PTPN3: variants seen among roughly 807,000 people sequenced by gnomAD.
PTPN3 encodes the protein tyrosine-protein phosphatase non-receptor type 3.
PTPN3 carries 96 observed loss-of-function variants against 132.7 expected under a neutral mutation model. That is an observed-to-expected ratio of 0.72 (90% CI 0.61 to 0.86). The LOEUF (loss-of-function observed/expected upper bound fraction) is 0.86. Ranked by LOEUF, PTPN3 falls within the 40% of genes least tolerant of loss-of-function variation. The probability of loss-of-function intolerance (pLI) is 0.00; values close to 1 mark genes in which losing one functional copy is unlikely to be tolerated. For synonymous variants in PTPN3, 398 were observed against 429.0 expected (o/e 0.93, Z 0.89); for missense variants, 1,125 against 1,159.6 (o/e 0.97, Z 0.43).
At chr9:109,459,636 A>C (rs1166676739) in intron 2 of PTPN3, among the ~76,000 whole-genome samples, 1 of 152,106 alleles carries the variant, frequency 6.6e-6, no homozygotes, top group Admixed American at 6.5e-5. Context: ...TGTAACCTCA[A>C]ACTCCTGGGC....
At chr9:109,527,379 T>G in the PTPN3 span, among the ~76,000 whole-genome samples, 1 of 152,178 alleles carries the variant, frequency 6.6e-6, no homozygotes, top group Non-Finnish European at 1.5e-5. Flanking sequence ...GAGAATTGCT[T>G]GAGCCAGGGG....
At chr9:109,503,050 A>G (rs1847879679), upstream of PTPN3, among the ~76,000 whole-genome samples, 1 of 152,168 alleles carries the variant, frequency 6.6e-6, no homozygotes, top group Admixed American at 6.5e-5. Context: ...AATCTTATGT[A>G]TGTTTCTTTC....
In PTPN3 at chr9:109,410,021, C is replaced by G; in HGVS notation, c.1556G>C (p.Gly519Ala). The G allele has an allele frequency of 6.2e-7, 1 of 1,614,188 alleles. No homozygotes were observed. Among genetic ancestry groups the G allele is most frequent in the Non-Finnish European group, 8.5e-7 (1 of 1,180,036 alleles). Residue 519 changes from glycine to alanine, a missense_variant, in exon 16 of 26, where the codon GGA (glycine) becomes GCA (alanine). Coordinates refer to ENST00000374541, the MANE Select transcript of PTPN3 (RefSeq NM_002829.4). ...TACCTTAAGATTAAATCCAAATTTTCCATCTTCATCTGGTGTGATACGGAT... is the reference window on the plus strand; with the variant it reads ...TACCTTAAGATTAAATCCAAATTTTGCATCTTCATCTGGTGTGATACGGAT... ...VLIRITPDED[G>A]KFGFNLKGGV...
rs1225005601 is a variant in PTPN3 at position 109,497,685 on chromosome 9, C to T, written c.-18+534G>A. 2.0e-5 allele frequency among the ~76,000 whole-genome samples: 3 copies of T among 152,236 alleles called. No homozygotes were observed. The East Asian group carries it at 5.8e-4, about 29-fold the overall frequency. On this transcript the variant is annotated intron_variant, in intron 1 of 25. Transcript: ENST00000374541. ...TACCTGATAAATCATTCCATATCGT[C>T]CGCGGAACGGGGAGGATTTATTGGC... is the stretch of plus-strand genomic sequence containing the variant.
At chr9:109,437,306 C>T (rs757057540) in intron 8 of PTPN3, among the ~76,000 whole-genome samples, 2 of 152,188 alleles carry the variant, frequency 1.3e-5, no homozygotes, top group Admixed American at 6.5e-5. Flanking sequence ...GGTCTCTCTG[C>T]CTTTATCTCT....
At chr9:109,488,652 T>G (rs144211792) in intron 1 of PTPN3, among the ~76,000 whole-genome samples, 1 of 152,322 alleles carries the variant, frequency 6.6e-6, no homozygotes, top group Admixed American at 6.5e-5. Flanking sequence ...TATAATAATT[T>G]GTAATCCAGG....
the PTPN3 span, among the ~76,000 whole-genome samples, chr9:109,517,702 TTTG>T: frequency 6.6e-6 from 1 of 152,208 alleles, no homozygotes; most frequent in South Asian, 2.1e-4. Context: ...GAAACCATAA[TTTG>T]GGGAAAGCCT....
intron 1 of PTPN3, among the ~76,000 whole-genome samples, chr9:109,474,474 A>C (rs1846539143): frequency 3.9e-5 from 6 of 152,100 alleles, no homozygotes; most frequent in Admixed American, 3.9e-4. Flanking sequence ...GTGCTGGAGG[A>C]ACACAAGGAG....
In PTPN3 at chr9:109,436,907, A is replaced by G; in HGVS notation, c.651T>C (p.Tyr217=). 1 of 1,614,128 alleles carries G rather than the reference A, an allele frequency of 6.2e-7. No homozygotes were observed. Among genetic ancestry groups the G allele is most frequent in the Middle Eastern group, 1.6e-4 (1 of 6,062 alleles). ...YINIARTLDF[Y]GVELHSGRDL... is the part of the protein sequence containing the mutation. ...CCCTACCACTGTGCAGTTCTACTCCATAGAAGTCGAGGGTCCGCGCTATGT... is the reference window on the plus strand; with the variant it reads ...CCCTACCACTGTGCAGTTCTACTCCGTAGAAGTCGAGGGTCCGCGCTATGT... The change falls in exon 9 of 26, where the codon TAT becomes TAC. Residue 217 remains tyrosine, a synonymous_variant. Coordinates refer to ENST00000374541, the MANE Select transcript of PTPN3 (RefSeq NM_002829.4).
At chr9:109,471,016 C>G (rs1193501790) in intron 1 of PTPN3, among the ~76,000 whole-genome samples, 1 of 151,696 alleles carries the variant, frequency 6.6e-6, no homozygotes, top group African/African-American at 2.4e-5. Context: ...CCTGTGTAAC[C>G]CTTTTGCCCT....
chr9:109,456,572 T>C (rs1845575898), intron 4 of PTPN3, among the ~76,000 whole-genome samples: 1 of 152,092 alleles, frequency 6.6e-6, no homozygotes, highest in Non-Finnish European at 1.5e-5. Flanking sequence ...GTCTGGGGCA[T>C]GAGTGGCATA....
chr9:109,431,239 C>T (rs1365801330), intron 10 of PTPN3, among the ~76,000 whole-genome samples: 1 of 152,214 alleles, frequency 6.6e-6, no homozygotes, highest in Admixed American at 6.5e-5. Context: ...ACCTGCTTCT[C>T]CTGACCAAGT....
intron 5 of PTPN3, among the ~76,000 whole-genome samples, chr9:109,451,953 G>A (rs567136496): frequency 1.5e-4 from 23 of 152,224 alleles, no homozygotes; most frequent in Admixed American, 5.9e-4. Context: ...AATTTAATGC[G>A]TCACAGTTGG....
At chr9:109,466,520 G>A (rs1472647495) in intron 1 of PTPN3, among the ~76,000 whole-genome samples, 1 of 152,166 alleles carries the variant, frequency 6.6e-6, no homozygotes, top group African/African-American at 2.4e-5. Context: ...GCAGAGGGGA[G>A]GGGAGACAGA....
chr9:109,428,607 A>T lies in PTPN3; in HGVS notation c.828+14T>A. On this transcript the variant is annotated intron_variant, in intron 11 of 25. Coordinates refer to ENST00000374541, the MANE Select transcript of PTPN3 (RefSeq NM_002829.4). ...TATGCACGAAACAAAGCAAGCAAAG[A>T]CATAACTACTCACCTGTTTCTGTCG... 6.2e-7 allele frequency: 1 copy of T among 1,612,038 alleles called. No homozygotes were observed. Among genetic ancestry groups the T allele is most frequent in the Non-Finnish European group, 8.5e-7 (1 of 1,178,296 alleles).
the PTPN3 span, among the ~76,000 whole-genome samples, chr9:109,536,884 T>C: frequency 6.6e-6 from 1 of 152,168 alleles, no homozygotes; most frequent in Admixed American, 6.5e-5. Context: ...TTAGTGATAT[T>C]CAATTTTTTT....
intron 12 of PTPN3, among the ~76,000 whole-genome samples, chr9:109,426,628 C>T (rs1199317009): frequency 2.0e-5 from 3 of 152,110 alleles, no homozygotes; most frequent in Non-Finnish European, 4.4e-5. Context: ...ACTGGGATAG[C>T]CCAGTATGCT....
At chr9:109,494,655 A>G (rs1485488085) in intron 1 of PTPN3, among the ~76,000 whole-genome samples, 1 of 152,132 alleles carries the variant, frequency 6.6e-6, no homozygotes, top group Non-Finnish European at 1.5e-5. Context: ...ATCGGAATGA[A>G]TGGCTGCATC....
intron 14 of PTPN3, among the ~76,000 whole-genome samples, chr9:109,410,700 C>T (rs540280941): frequency 3.3e-5 from 5 of 152,188 alleles, no homozygotes; most frequent in Non-Finnish European, 7.3e-5. Flanking sequence ...AGAAGGGTGA[C>T]AGGGAAATGT....
Sources: allele counts gnomAD v4.1 joint callset (sites outside exome capture counted in the v4.1 genomes callset), GRCh38; gene constraint gnomAD v4.1.1; transcripts MANE v1.5; gene names NCBI Gene and HGNC (gene_info 2026-07-23, HGNC 2026-07-21).